GNAQ: variants seen among roughly 807,000 people sequenced by gnomAD.
The protein encoded by GNAQ is guanine nucleotide-binding protein G(q) subunit alpha.
Under a neutral mutation model 43.9 loss-of-function variants are expected in GNAQ, and 8 were observed. The observed-to-expected ratio is 0.18, with a 90% CI of 0.11 to 0.33. The LOEUF (loss-of-function observed/expected upper bound fraction) is 0.33, where lower values mean the gene tolerates loss of function less well. GNAQ is among the 10% of genes least tolerant of loss of function. The probability of loss-of-function intolerance (pLI) is 1.00; values close to 1 mark genes in which losing one functional copy is unlikely to be tolerated. For synonymous variants in GNAQ, 155 were observed against 170.7 expected, an observed-to-expected ratio of 0.91 and a Z score of 0.71; for missense variants, 158 against 450.8, an observed-to-expected ratio of 0.35 and a Z score of 5.88.
chr9:77,947,027 G>A (rs533251159), intron 1 of GNAQ, among the ~76,000 whole-genome samples: 15 of 152,282 alleles, frequency 9.9e-5, no homozygotes, highest in Admixed American at 4.6e-4. Context: ...AACTTCTCCC[G>A]AGTAACAAGC....
At chr9:77,846,706 G>C (rs1467825981) in intron 2 of GNAQ, among the ~76,000 whole-genome samples, 2 of 152,114 alleles carry the variant, frequency 1.3e-5, no homozygotes, top group Non-Finnish European at 2.9e-5. Flanking sequence ...AGTGAACAAG[G>C]CTCTCTCCTT....
intron 2 of GNAQ, among the ~76,000 whole-genome samples, chr9:77,842,665 T>G (rs980585663): frequency 1.3e-5 from 2 of 152,156 alleles, no homozygotes; most frequent in African/African-American, 4.8e-5. Flanking sequence ...GAGATTCCCC[T>G]GGTTTCCCAT....
At chr9:77,957,312 C>G (rs1303888275) in intron 1 of GNAQ, among the ~76,000 whole-genome samples, 1 of 151,778 alleles carries the variant, frequency 6.6e-6, no homozygotes, top group Admixed American at 6.6e-5. Context: ...GCTGAGATTC[C>G]GCCATTGCAC....
intron 5 of GNAQ, among the ~76,000 whole-genome samples, chr9:77,733,357 C>G (rs1251908417): frequency 6.6e-6 from 1 of 152,218 alleles, no homozygotes; most frequent in Non-Finnish European, 1.5e-5. Flanking sequence ...ATGTAATTGA[C>G]TAAGGCTGCC....
chr9:77,753,259 A>G (rs1825844748), intron 5 of GNAQ, among the ~76,000 whole-genome samples: 2 of 152,172 alleles, frequency 1.3e-5, no homozygotes, highest in Non-Finnish European at 2.9e-5. Context: ...ACTCATTCAC[A>G]AACACACATA....
chr9:78,006,246 A>C (rs1823704862), intron 1 of GNAQ, among the ~76,000 whole-genome samples: 1 of 152,182 alleles, frequency 6.6e-6, no homozygotes, highest in Non-Finnish European at 1.5e-5. Context: ...CACAACATAA[A>C]ACAAATCCAT....
intron 1 of GNAQ, among the ~76,000 whole-genome samples, chr9:77,960,359 A>G (rs1325423202): frequency 3.3e-5 from 5 of 152,190 alleles, no homozygotes; most frequent in Non-Finnish European, 5.9e-5. Context: ...GTTTTTTCAG[A>G]AAGAAACAGG....
chr9:77,900,529 G>T (rs76574846), intron 2 of GNAQ, among the ~76,000 whole-genome samples: 1 of 152,058 alleles, frequency 6.6e-6, no homozygotes, highest in Non-Finnish European at 1.5e-5. Context: ...ATTCATCTCA[G>T]GTTCACTCCC....
intron 1 of GNAQ, among the ~76,000 whole-genome samples, chr9:77,928,417 G>GA (rs764737593): frequency 2.0e-5 from 3 of 152,166 alleles, no homozygotes; most frequent in Non-Finnish European, 4.4e-5. Context: ...GTGGAAACTG[G>GA]ACATGTAATT....
intron 2 of GNAQ, among the ~76,000 whole-genome samples, chr9:77,883,173 A>G (rs1828242766): frequency 6.6e-6 from 1 of 152,168 alleles, no homozygotes. Context: ...CTGAAATATA[A>G]CTGATGTCCC....
At chr9:77,731,290 T>A (rs775389587) in intron 5 of GNAQ, among the ~76,000 whole-genome samples, 1 of 152,140 alleles carries the variant, frequency 6.6e-6, no homozygotes, top group Non-Finnish European at 1.5e-5. Flanking sequence ...TCTCTCTGAT[T>A]AACAATTTCC....
At chr9:77,951,182 C>A (rs1401133169) in intron 1 of GNAQ, among the ~76,000 whole-genome samples, 1 of 145,834 alleles carries the variant, frequency 6.9e-6, no homozygotes, top group Non-Finnish European at 1.5e-5. Context: ...ACTGCAACCT[C>A]CACCTCCTGG....
chr9:77,850,082 G>A (rs1367159189), intron 2 of GNAQ, among the ~76,000 whole-genome samples: 1 of 152,178 alleles, frequency 6.6e-6, no homozygotes, highest in African/African-American at 2.4e-5. Context: ...TAAGCTCTAG[G>A]CCAGTACTTC....
intron 5 of GNAQ, among the ~76,000 whole-genome samples, chr9:77,760,468 G>A (rs934956049): frequency 3.9e-5 from 6 of 152,026 alleles, no homozygotes; most frequent in East Asian, 1.9e-4. Context: ...CTCGGCCTCT[G>A]GAGGTGCCGG....
chr9:77,762,012 C>T (rs1312925749), intron 5 of GNAQ, among the ~76,000 whole-genome samples: 7 of 134,510 alleles, frequency 5.2e-5, no homozygotes, highest in East Asian at 4.8e-4. Context: ...TCTGCCCGGC[C>T]GCCCCTCCTG....
intron 2 of GNAQ, among the ~76,000 whole-genome samples, chr9:77,917,034 T>C (rs1388242196): frequency 2.6e-5 from 4 of 152,178 alleles, no homozygotes; most frequent in Non-Finnish European, 5.9e-5. Flanking sequence ...CAAAAGCTTC[T>C]ACAACATGTC....
chr9:77,778,393 T>A (rs1399618484), intron 5 of GNAQ, among the ~76,000 whole-genome samples: 1 of 151,872 alleles, frequency 6.6e-6, no homozygotes, highest in Non-Finnish European at 1.5e-5. Context: ...TAAATGTACA[T>A]TGCAAACTCA....
At chr9:77,970,056 C>A (rs1587437750) in intron 1 of GNAQ, among the ~76,000 whole-genome samples, 1 of 151,886 alleles carries the variant, frequency 6.6e-6, no homozygotes, top group South Asian at 2.1e-4. Context: ...CTGTCTCTAC[C>A]AAAAACACAA....
At chr9:77,845,524 G>T (rs1313648817) in intron 2 of GNAQ, among the ~76,000 whole-genome samples, 2 of 152,098 alleles carry the variant, frequency 1.3e-5, no homozygotes. Context: ...TCTGAGCAGG[G>T]TTATATTCTC....
Sources: allele counts gnomAD v4.1 joint callset (sites outside exome capture counted in the v4.1 genomes callset), GRCh38; gene constraint gnomAD v4.1.1; transcripts MANE v1.5; gene names NCBI Gene and HGNC (gene_info 2026-07-23, HGNC 2026-07-21).